Variants in SV2C observed in about 807,000 individuals in gnomAD.
The protein encoded by SV2C is solute carrier family 22 member B3.
Under a neutral mutation model 79.7 loss-of-function variants are expected in SV2C, and 49 were observed. The observed-to-expected ratio is 0.61, with a 90% CI of 0.49 to 0.78. The LOEUF (loss-of-function observed/expected upper bound fraction) is 0.78. Among genes scored for constraint, SV2C ranks in the 30% least tolerant of loss-of-function variants. SV2C has a pLI of 0.00. For missense variants in SV2C, 833 were observed against 912.9 expected (o/e 0.91, Z 1.13); for synonymous variants, 334 against 333.2 (o/e 1.00, Z -0.03).
the SV2C span, among the ~76,000 whole-genome samples, chr5:75,971,396 C>T: frequency 1.3e-5 from 2 of 152,114 alleles, no homozygotes; most frequent in Non-Finnish European, 2.9e-5. Flanking sequence ...TCCCTGTTTG[C>T]AGATGACATG....
chr5:76,250,309 A>C (rs1746073823), intron 4 of SV2C, among the ~76,000 whole-genome samples: 1 of 152,204 alleles, frequency 6.6e-6, no homozygotes, highest in Non-Finnish European at 1.5e-5. Context: ...CATGTGTTTT[A>C]AACCAAAAAA....
rs1373985675 is a variant in SV2C at position 76,332,609 on chromosome 5, T to C, written c.*7062T>C. 6.6e-6 allele frequency: 1 copy of C among 152,184 alleles called. No homozygotes were observed. The highest frequency in any genetic ancestry group is 1.5e-5 in the Non-Finnish European group (1 of 68,044). The allele number at this position is 152,184 out of a possible 1,614,324, so 9.4% of individuals were successfully genotyped here. ...GCCTATTATGTCTGTATGGTAGAAA[T>C]ACTGTATACAGGTATACTACTACAC... On this transcript the variant is annotated 3_prime_UTR_variant, in exon 13 of 13. Transcript: ENST00000502798.
At chr5:76,309,045 A>C (rs1186055324) in intron 12 of SV2C, among the ~76,000 whole-genome samples, 1 of 152,114 alleles carries the variant, frequency 6.6e-6, no homozygotes, top group Non-Finnish European at 1.5e-5. Flanking sequence ...AAGAAGTTCC[A>C]TTTAATTGAG....
At chr5:76,179,754 G>A (rs1047849924) in intron 2 of SV2C, among the ~76,000 whole-genome samples, 1 of 152,190 alleles carries the variant, frequency 6.6e-6, no homozygotes, top group Non-Finnish European at 1.5e-5. Context: ...TTAGTGCAAG[G>A]TAGATCCCGC....
the SV2C span, among the ~76,000 whole-genome samples, chr5:75,950,104 T>A: frequency 6.6e-6 from 1 of 152,046 alleles, no homozygotes; most frequent in East Asian, 1.9e-4. Flanking sequence ...CAGCTAGAAC[T>A]GAGCCCTGGG....
At chr5:75,985,335 TC>T in the SV2C span, among the ~76,000 whole-genome samples, 1 of 151,902 alleles carries the variant, frequency 6.6e-6, no homozygotes. Flanking sequence ...AGGCCCCACC[TC>T]CCAACACTGC....
chr5:75,870,175 C>T, the SV2C span, among the ~76,000 whole-genome samples: 3 of 151,850 alleles, frequency 2.0e-5, no homozygotes, highest in Non-Finnish European at 2.9e-5. Flanking sequence ...GCACAAGGGA[C>T]CAATTCTAGA....
chr5:76,030,908 A>ATTTAT, the SV2C span, among the ~76,000 whole-genome samples: 5 of 152,228 alleles, frequency 3.3e-5, no homozygotes, highest in Admixed American at 6.5e-5. Context: ...ATAGTTAATA[A>ATTTAT]TAAGTATGAT....
intron 1 of SV2C, among the ~76,000 whole-genome samples, chr5:76,092,210 A>G (rs1323065370): frequency 6.6e-6 from 1 of 152,216 alleles, no homozygotes; most frequent in East Asian, 1.9e-4. Flanking sequence ...TTTACTTTAT[A>G]TATTTCTGAA....
At chr5:76,234,990 A>G (rs1745568139) in intron 4 of SV2C, among the ~76,000 whole-genome samples, 1 of 152,230 alleles carries the variant, frequency 6.6e-6, no homozygotes, top group African/African-American at 2.4e-5. Context: ...AGATGGAAGA[A>G]CTAACACAGT....
At chr5:75,882,201 A>T in the SV2C span, among the ~76,000 whole-genome samples, 1 of 151,624 alleles carries the variant, frequency 6.6e-6, no homozygotes. Context: ...TTGGTTTGCC[A>T]GTATTTTATT....
At chr5:75,958,890 T>C in the SV2C span, among the ~76,000 whole-genome samples, 1 of 151,920 alleles carries the variant, frequency 6.6e-6, no homozygotes, top group Non-Finnish European at 1.5e-5. Context: ...TCATGAAGTA[T>C]TCATTGGGAT....
At chr5:75,950,109 C>T in the SV2C span, among the ~76,000 whole-genome samples, 1 of 151,940 alleles carries the variant, frequency 6.6e-6, no homozygotes, top group African/African-American at 2.4e-5. Context: ...AGAACTGAGC[C>T]CTGGGGCACT....
chr5:75,962,965 T>C, the SV2C span, among the ~76,000 whole-genome samples: 1 of 152,040 alleles, frequency 6.6e-6, no homozygotes. Context: ...CATGTACAAG[T>C]TAATATCATC....
At chr5:76,236,554 C>A (rs926550935) in intron 4 of SV2C, among the ~76,000 whole-genome samples, 1 of 133,602 alleles carries the variant, frequency 7.5e-6, no homozygotes, top group African/African-American at 2.9e-5. Context: ...AGAATGAGAC[C>A]CTGTATCAAA....
intron 2 of SV2C, among the ~76,000 whole-genome samples, chr5:76,159,357 C>A (rs1003534763): frequency 6.6e-6 from 1 of 152,026 alleles, no homozygotes; most frequent in Non-Finnish European, 1.5e-5. Context: ...TTGCAAGTAA[C>A]ATAATCGTGT....
chr5:76,063,637 A>G, the SV2C span, among the ~76,000 whole-genome samples: 61 of 152,252 alleles, frequency 4.0e-4, no homozygotes, highest in African/African-American at 1.4e-3. Flanking sequence ...GGACTTCCCG[A>G]AGGACCCAAT....
chr5:76,246,584 C>T (rs1190689149), intron 4 of SV2C, among the ~76,000 whole-genome samples: 2 of 152,102 alleles, frequency 1.3e-5, no homozygotes, highest in Non-Finnish European at 2.9e-5. Context: ...AAGTAGGCAC[C>T]TTCTGGGTCC....
At chr5:76,345,335 A>G (rs918768351) in intron 12 of SV2C, among the ~76,000 whole-genome samples, 11 of 152,264 alleles carry the variant, frequency 7.2e-5, no homozygotes, top group Admixed American at 2.0e-4. Context: ...CGCCATGTGC[A>G]TGGCACTGTG....
Sources: gnomAD v4.1 joint callset for allele counts (sites outside exome capture counted in the v4.1 genomes callset) on GRCh38, gnomAD v4.1.1 for gene constraint, MANE v1.5 for transcripts, NCBI Gene and HGNC (gene_info 2026-07-23, HGNC 2026-07-21) for gene names.